Variants in GALNT14 observed in about 807,000 individuals in gnomAD.
GALNT14 encodes polypeptide N-acetylgalactosaminyltransferase 14.
Under a neutral mutation model 77.5 loss-of-function variants are expected in GALNT14, and 60 were observed. The observed-to-expected ratio is 0.77, with a 90% CI of 0.63 to 0.96. GALNT14 has a LOEUF of 0.96. Among genes scored for constraint, GALNT14 ranks in the 40% least tolerant of loss-of-function variants. GALNT14 has a pLI of 0.00. For missense variants in GALNT14, 710 were observed against 731.0 expected (o/e 0.97, Z 0.33); for synonymous variants, 280 against 281.7 (o/e 0.99, Z 0.06).
chr2:30,997,471 A>C (rs1305112260), intron 1 of GALNT14, among the ~76,000 whole-genome samples: 1 of 152,214 alleles, frequency 6.6e-6, no homozygotes, highest in Non-Finnish European at 1.5e-5. Flanking sequence ...TCCCTGGTAC[A>C]GGAAGTGATA....
At chr2:31,011,136 T>C (rs1005886512) in intron 1 of GALNT14, among the ~76,000 whole-genome samples, 6 of 152,194 alleles carry the variant, frequency 3.9e-5, no homozygotes, top group African/African-American at 9.7e-5. Context: ...CCAGTTACTG[T>C]CTCTGTGACC....
intron 1 of GALNT14, among the ~76,000 whole-genome samples, chr2:30,996,882 T>G (rs1670069466): frequency 6.6e-6 from 1 of 152,244 alleles, no homozygotes; most frequent in Non-Finnish European, 1.5e-5. Flanking sequence ...CAGCCCATAC[T>G]GGGAGCTGGG....
intron 2 of GALNT14, among the ~76,000 whole-genome samples, chr2:30,984,190 G>A (rs1669157517): frequency 2.6e-5 from 4 of 152,262 alleles, no homozygotes; most frequent in Middle Eastern, 3.4e-3. Flanking sequence ...ACTTCAGAAC[G>A]AACTCCCCAG....
intron 1 of GALNT14, among the ~76,000 whole-genome samples, chr2:31,044,309 A>T (rs182768658): frequency 3.3e-5 from 5 of 152,298 alleles, no homozygotes; most frequent in Admixed American, 3.3e-4. Flanking sequence ...CTTAAAATAA[A>T]CACACTGGAT....
At chr2:31,032,642 G>A (rs560314669) in intron 1 of GALNT14, among the ~76,000 whole-genome samples, 46 of 152,246 alleles carry the variant, frequency 3.0e-4, no homozygotes, top group South Asian at 8.3e-4. Context: ...TGCCAGGGAA[G>A]CTGTTGAGAT....
chr2:31,122,200 G>T (rs1003581005), intron 1 of GALNT14, among the ~76,000 whole-genome samples: 1 of 152,152 alleles, frequency 6.6e-6, no homozygotes, highest in Admixed American at 6.5e-5. Flanking sequence ...AGGGGGCTCC[G>T]GGTACCACAG....
chr2:30,986,415 G>A (rs369343835), intron 2 of GALNT14, among the ~76,000 whole-genome samples: 2 of 152,248 alleles, frequency 1.3e-5, no homozygotes, highest in East Asian at 3.9e-4. Context: ...GTCTCTATTT[G>A]TGGCTGCTTG....
chr2:31,004,071 C>A (rs1280133599), intron 1 of GALNT14, among the ~76,000 whole-genome samples: 1 of 152,258 alleles, frequency 6.6e-6, no homozygotes, highest in Non-Finnish European at 1.5e-5. Flanking sequence ...AAGAACACAT[C>A]CCAATTGCCG....
chr2:31,111,995 CT>C (rs398080139), intron 1 of GALNT14, among the ~76,000 whole-genome samples: 14,951 of 133,986 alleles, frequency 0.11, 926 homozygotes, highest in African/African-American at 0.23. Context: ...TGTGTACTTG[CT>C]TTTTTTTTTT....
At chr2:31,079,270 C>T (rs1378863662) in intron 1 of GALNT14, among the ~76,000 whole-genome samples, 3 of 152,100 alleles carry the variant, frequency 2.0e-5, no homozygotes, top group Non-Finnish European at 4.4e-5. Flanking sequence ...TCCATTCACT[C>T]GCTGTATGGC....
intron 1 of GALNT14, among the ~76,000 whole-genome samples, chr2:31,101,627 CT>C (rs1677281590): frequency 6.6e-6 from 1 of 152,016 alleles, no homozygotes; most frequent in Admixed American, 6.6e-5. Context: ...CTTTAGTTTC[CT>C]GTTTATGCCA....
chr2:30,953,544 G>A (rs112023366), intron 6 of GALNT14, among the ~76,000 whole-genome samples: 10 of 152,194 alleles, frequency 6.6e-5, no homozygotes, highest in African/African-American at 2.2e-4. Flanking sequence ...TCCTGACCTC[G>A]AGATCCATCC....
chr2:30,937,578 C>T (rs1022899368), intron 9 of GALNT14, among the ~76,000 whole-genome samples: 5 of 152,220 alleles, frequency 3.3e-5, no homozygotes, highest in Admixed American at 1.3e-4. Flanking sequence ...TCGCCCCCTC[C>T]AGCAGCCGTG....
intron 1 of GALNT14, among the ~76,000 whole-genome samples, chr2:31,119,357 T>C (rs1017096985): frequency 1.3e-4 from 20 of 152,192 alleles, no homozygotes. Context: ...GCTCTTTTAC[T>C]TGGCAACAAA....
intron 1 of GALNT14, among the ~76,000 whole-genome samples, chr2:31,043,840 A>G (rs576848273): frequency 2.0e-4 from 31 of 152,346 alleles, no homozygotes; most frequent in Admixed American, 1.4e-3. Context: ...ATATGACAGC[A>G]GATATCCATA....
At chr2:30,899,991 G>A in the GALNT14 span, among the ~76,000 whole-genome samples, 1 of 152,228 alleles carries the variant, frequency 6.6e-6, no homozygotes. Context: ...TGGGTGCTAA[G>A]AGAATGGATG....
intron 1 of GALNT14, among the ~76,000 whole-genome samples, chr2:31,043,282 T>C (rs2148503808): frequency 6.6e-6 from 1 of 152,344 alleles, no homozygotes; most frequent in Non-Finnish European, 1.5e-5. Context: ...CCCCAGTCCA[T>C]GCTCTTTTTC....
At chr2:31,046,240 T>A (rs2148509446) in intron 1 of GALNT14, among the ~76,000 whole-genome samples, 1 of 151,604 alleles carries the variant, frequency 6.6e-6, no homozygotes, top group African/African-American at 2.4e-5. Context: ...TTTTTTTTTT[T>A]TTTTGAGATG....
chr2:30,957,035 T>C (rs1370263036), intron 4 of GALNT14, among the ~76,000 whole-genome samples: 1 of 152,180 alleles, frequency 6.6e-6, no homozygotes, highest in East Asian at 1.9e-4. Flanking sequence ...CTCCCTGGCT[T>C]GCCTGCTGCT....
Sources: allele counts gnomAD v4.1 joint callset (sites outside exome capture counted in the v4.1 genomes callset), GRCh38; gene constraint gnomAD v4.1.1; transcripts MANE v1.5; gene names NCBI Gene and HGNC (gene_info 2026-07-23, HGNC 2026-07-21).